Variants in SGCZ observed in about 807,000 individuals in gnomAD.
SGCZ encodes zeta-sarcoglycan.
Under a neutral mutation model 41.3 loss-of-function variants are expected in SGCZ, and 40 were observed. The ratio of observed to expected loss-of-function variants is 0.97; its 90% CI spans 0.75 to 1.26. The LOEUF (loss-of-function observed/expected upper bound fraction) is 1.26. Ranked by LOEUF, SGCZ falls within the 50% of genes most tolerant of loss-of-function variation. The pLI is 0.00. For missense variants in SGCZ, 552 were observed against 369.8 expected, an observed-to-expected ratio of 1.49 and a Z score of -4.04; for synonymous variants, 206 against 137.5, an observed-to-expected ratio of 1.50 and a Z score of -3.49.
intron 1 of SGCZ, among the ~76,000 whole-genome samples, chr8:14,891,372 G>C (rs1303506992): frequency 6.6e-6 from 1 of 152,216 alleles, no homozygotes; most frequent in African/African-American, 2.4e-5. Context: ...GGACGACTTT[G>C]AGAGGTTCAA....
chr8:14,848,293 T>C (rs1439128748), intron 1 of SGCZ, among the ~76,000 whole-genome samples: 1 of 152,074 alleles, frequency 6.6e-6, no homozygotes, highest in Non-Finnish European at 1.5e-5. Context: ...CCCAAATGGG[T>C]CCATAGTTTC....
At chr8:14,546,650 T>C (rs1051189396) in intron 2 of SGCZ, among the ~76,000 whole-genome samples, 3 of 152,042 alleles carry the variant, frequency 2.0e-5, no homozygotes, top group Admixed American at 2.0e-4. Context: ...ATTAATAAAG[T>C]TTGAGGGTAT....
intron 2 of SGCZ, among the ~76,000 whole-genome samples, chr8:14,410,160 T>G (rs934526561): frequency 6.6e-6 from 1 of 152,100 alleles, no homozygotes; most frequent in Non-Finnish European, 1.5e-5. Context: ...GTGCTCCTTA[T>G]GATAATCTAA....
At chr8:14,170,971 G>A (rs980124184) in intron 4 of SGCZ, among the ~76,000 whole-genome samples, 3 of 151,840 alleles carry the variant, frequency 2.0e-5, no homozygotes, top group African/African-American at 7.3e-5. Flanking sequence ...AGTGTCTTCT[G>A]GTAATCTCAC....
intron 2 of SGCZ, among the ~76,000 whole-genome samples, chr8:14,543,227 C>T (rs1446396816): frequency 3.3e-5 from 5 of 151,986 alleles, no homozygotes; most frequent in African/African-American, 7.2e-5. Context: ...TAATACTGTA[C>T]TAGTGTGATT....
At chr8:14,191,401 C>T (rs1805098883) in intron 4 of SGCZ, among the ~76,000 whole-genome samples, 2 of 152,174 alleles carry the variant, frequency 1.3e-5, no homozygotes, top group South Asian at 2.1e-4. Flanking sequence ...CAAAAAATCA[C>T]TGCCAAGGTT....
intron 1 of SGCZ, among the ~76,000 whole-genome samples, chr8:14,573,465 G>A (rs1031132887): frequency 6.6e-6 from 1 of 152,044 alleles, no homozygotes; most frequent in Non-Finnish European, 1.5e-5. Context: ...TGGGATTACA[G>A]GCATGAGCCA....
chr8:14,138,731 C>T (rs545690431), intron 5 of SGCZ, among the ~76,000 whole-genome samples: 12 of 152,126 alleles, frequency 7.9e-5, no homozygotes, highest in African/African-American at 1.2e-4. Context: ...AACTCTCACA[C>T]GATAATAATG....
intron 1 of SGCZ, among the ~76,000 whole-genome samples, chr8:14,673,204 T>A (rs1223427344): frequency 6.6e-6 from 1 of 152,218 alleles, no homozygotes; most frequent in Non-Finnish European, 1.5e-5. Flanking sequence ...AAACATTAAT[T>A]TATGACCTAT....
chr8:15,054,879 GT>G (rs1345008890), intron 1 of SGCZ, among the ~76,000 whole-genome samples: 1 of 151,214 alleles, frequency 6.6e-6, no homozygotes, highest in African/African-American at 2.4e-5. Context: ...GGAGAATGGC[GT>G]GAACCTAGGA....
intron 1 of SGCZ, among the ~76,000 whole-genome samples, chr8:14,661,931 A>G (rs1385991881): frequency 6.6e-6 from 1 of 152,158 alleles, no homozygotes; most frequent in Non-Finnish European, 1.5e-5. Context: ...ACAATGTTAA[A>G]TTTTAAATAC....
At chr8:14,811,181 T>G (rs1231710660) in intron 1 of SGCZ, among the ~76,000 whole-genome samples, 2 of 152,018 alleles carry the variant, frequency 1.3e-5, no homozygotes, top group African/African-American at 4.8e-5. Context: ...ATCATAAACT[T>G]AGATTTCAAA....
rs567304448 is a variant in SGCZ, at chr8:14,564,849, C to G, written c.40-9923G>C. On this transcript the variant is annotated intron_variant, in intron 1 of 7. Coordinates refer to ENST00000382080, the MANE Select transcript of SGCZ (RefSeq NM_139167.4). ...ACAATACAGTAAAGCCTACTTACCA[C>G]GGCAATTTAAACTTCTCCCTATCTA... is the stretch of plus-strand genomic sequence containing the variant. Among the ~76,000 whole-genome samples the G allele has an allele frequency of 2.6e-5, 4 of 152,222 alleles. No individual in the cohort carries two copies. The South Asian group carries it at 8.3e-4, about 32-fold the overall frequency.
chr8:14,758,917 A>G (rs1282395889), intron 1 of SGCZ, among the ~76,000 whole-genome samples: 1 of 151,824 alleles, frequency 6.6e-6, no homozygotes, highest in Non-Finnish European at 1.5e-5. Context: ...CTGAGGCAGG[A>G]GAATCAGTTG....
At chr8:15,038,878 A>C (rs1803972837) in intron 1 of SGCZ, among the ~76,000 whole-genome samples, 1 of 151,954 alleles carries the variant, frequency 6.6e-6, no homozygotes, top group South Asian at 2.1e-4. Context: ...ATATGCGAAA[A>C]ACTGCTTAAC....
chr8:15,115,069 C>A (rs950375427), intron 1 of SGCZ, among the ~76,000 whole-genome samples: 1 of 151,952 alleles, frequency 6.6e-6, no homozygotes, highest in Admixed American at 6.6e-5. Context: ...AGCTTAGCAC[C>A]TTGAAACAGA....
intron 1 of SGCZ, among the ~76,000 whole-genome samples, chr8:14,738,021 G>T (rs756802232): frequency 6.6e-6 from 1 of 152,018 alleles, no homozygotes; most frequent in Non-Finnish European, 1.5e-5. Flanking sequence ...GTTCACACAG[G>T]TAGTGAGGTA....
At chr8:14,321,132 T>G (rs1466996695) in intron 3 of SGCZ, among the ~76,000 whole-genome samples, 1 of 152,090 alleles carries the variant, frequency 6.6e-6, no homozygotes, top group Non-Finnish European at 1.5e-5. Flanking sequence ...AGATTACACA[T>G]CTTTTGTATT....
intron 1 of SGCZ, among the ~76,000 whole-genome samples, chr8:14,990,290 A>G (rs935598256): frequency 6.6e-6 from 1 of 152,112 alleles, no homozygotes; most frequent in Non-Finnish European, 1.5e-5. Flanking sequence ...CATATACCAC[A>G]TCCCTTTTAA....
Sources: allele counts gnomAD v4.1 joint callset (sites outside exome capture counted in the v4.1 genomes callset), GRCh38; gene constraint gnomAD v4.1.1; transcripts MANE v1.5; gene names NCBI Gene and HGNC (gene_info 2026-07-23, HGNC 2026-07-21).